The following FAM178B variants were observed in gnomAD, a reference collection of about 807,000 sequenced individuals.
The protein encoded by FAM178B is family with sequence similarity 178 member B.
A neutral mutation model predicts 91.7 loss-of-function variants in FAM178B; 82 were observed. That is an observed-to-expected ratio of 0.89 (90% CI 0.75 to 1.07). FAM178B has a LOEUF of 1.07. Ranked by LOEUF, FAM178B falls within the 50% of genes least tolerant of loss-of-function variation. The probability of loss-of-function intolerance (pLI) is 0.00; values close to 1 mark genes in which losing one functional copy is unlikely to be tolerated. For missense variants in FAM178B, 769 were observed against 846.7 expected (o/e 0.91, Z 1.14); for synonymous variants, 368 against 359.4 (o/e 1.02, Z -0.27).
chr2:96,882,437 G>A (rs987668781), intron 14 of FAM178B, among the ~76,000 whole-genome samples: 1 of 152,224 alleles, frequency 6.6e-6, no homozygotes, highest in Non-Finnish European at 1.5e-5. Context: ...AGGGGTGGGC[G>A]AGTGAGGGGG....
rs185058595 is a variant in FAM178B at position 96,984,182 on chromosome 2, G to A, written c.73+2059C>T. Among the ~76,000 whole-genome samples the A allele has an allele frequency of 1.6e-3, 243 of 152,138 alleles. 1 individual carries two copies. Among genetic ancestry groups the A allele is most frequent in the African/African-American group, 5.4e-3 (223 of 41,490 alleles). On this transcript the variant is annotated intron_variant, in intron 1 of 16. Coordinates refer to ENST00000490605, the MANE Select transcript of FAM178B (RefSeq NM_001122646.3). ...TCACCATGTTGGCCAGGCTGGTCTC[G>A]ATCTCCTGACCTTGTGATCTGCCGC...
intron 6 of FAM178B, among the ~76,000 whole-genome samples, chr2:96,958,697 TAAAAAAAAAAAAAAAAAA>T (rs55924441): frequency 4.5e-4 from 25 of 55,532 alleles, no homozygotes; most frequent in Admixed American, 3.6e-3. Flanking sequence ...CTCAAAATAC[TAAAAAAAAAAAAAAAAAA>T]AAAAAAAAAA....
At chr2:96,929,402 G>T in intron 8 of FAM178B, 82 bp from the exon 9 acceptor site, 1 of 1,011,146 alleles carries the variant, frequency 9.9e-7, no homozygotes, top group Non-Finnish European at 1.5e-6. Context: ...GGCTGGCCGT[G>T]ACCCCTGGCC....
intron 6 of FAM178B, among the ~76,000 whole-genome samples, chr2:96,953,293 C>G (rs1004081075): frequency 6.6e-6 from 1 of 152,194 alleles, no homozygotes; most frequent in Admixed American, 6.5e-5. Context: ...GCAGCCCGAA[C>G]GCAGACAATA....
chr2:96,927,577 C>T lies in FAM178B; in HGVS notation c.1193+1629G>A, dbSNP rs76213674. On this transcript the variant is annotated intron_variant, in intron 9 of 16. Coordinates refer to ENST00000490605, the MANE Select transcript of FAM178B (RefSeq NM_001122646.3). ...CTGCGCCTGGGAAAGCTGAAGTCTG[C>T]GTGCCGGGGTTTGTGTCCCAAAGTA... 3.5e-4 allele frequency among the ~76,000 whole-genome samples: 53 copies of T among 152,292 alleles called. No individual in the cohort carries two copies. The East Asian group carries it at 6.6e-3, about 19-fold the overall frequency.
chr2:96,930,736 G>A (rs1333437208), intron 8 of FAM178B, among the ~76,000 whole-genome samples: 2 of 152,252 alleles, frequency 1.3e-5, no homozygotes, highest in African/African-American at 4.8e-5. Context: ...AAGCTCATAT[G>A]TTGAAATTTA....
intron 12 of FAM178B, among the ~76,000 whole-genome samples, chr2:96,912,439 A>T (rs2081174094): frequency 6.6e-6 from 1 of 151,454 alleles, no homozygotes; most frequent in South Asian, 2.1e-4. Context: ...GCCCACCAAG[A>T]CTCGAGGGCT....
At chr2:96,975,248 T>A (rs2082274981) in intron 1 of FAM178B, among the ~76,000 whole-genome samples, 1 of 152,180 alleles carries the variant, frequency 6.6e-6, no homozygotes, top group Non-Finnish European at 1.5e-5. Context: ...TGTATAGTTA[T>A]GCACTATGTA....
chr2:96,957,194 C>T (rs1417518094), intron 6 of FAM178B, among the ~76,000 whole-genome samples: 3 of 152,158 alleles, frequency 2.0e-5, no homozygotes, highest in Non-Finnish European at 4.4e-5. Context: ...GCCTCCATGG[C>T]CATGTTTCTG....
intron 6 of FAM178B, among the ~76,000 whole-genome samples, chr2:96,955,443 G>A (rs904056045): frequency 1.3e-5 from 2 of 150,560 alleles, no homozygotes; most frequent in Non-Finnish European, 3.0e-5. Context: ...CCCAGGAGGC[G>A]GAGCTTGCAG....
chr2:96,930,491 T>C (rs1373558693), intron 8 of FAM178B, among the ~76,000 whole-genome samples: 5 of 152,202 alleles, frequency 3.3e-5, no homozygotes, highest in African/African-American at 1.2e-4. Flanking sequence ...TTCCTCAGCA[T>C]TGTCCGACTT....
chr2:96,907,004 C>T (rs2081069743), intron 12 of FAM178B, among the ~76,000 whole-genome samples: 1 of 152,194 alleles, frequency 6.6e-6, no homozygotes, highest in African/African-American at 2.4e-5. Context: ...GCCGGCAAAG[C>T]AGTGCCAGGG....
chr2:96,972,879 G>A (rs918347303), intron 1 of FAM178B, among the ~76,000 whole-genome samples: 5 of 151,764 alleles, frequency 3.3e-5, no homozygotes, highest in Admixed American at 6.6e-5. Context: ...GTGCAGCGGC[G>A]TGATCTTGGC....
At chr2:96,978,959 A>G (rs1207134065) in intron 1 of FAM178B, among the ~76,000 whole-genome samples, 1 of 132,658 alleles carries the variant, frequency 7.5e-6, no homozygotes, top group Non-Finnish European at 1.6e-5. Flanking sequence ...ATAGTATTCT[A>G]TGGTGTATGT....
intron 14 of FAM178B, among the ~76,000 whole-genome samples, chr2:96,890,147 C>T (rs575183600): frequency 4.6e-5 from 7 of 152,036 alleles, no homozygotes; most frequent in Admixed American, 6.6e-5. Flanking sequence ...TGGTGGCACG[C>T]GCCTGTAATC....
At chr2:96,970,027 C>A (rs1018787361) in intron 4 of FAM178B, among the ~76,000 whole-genome samples, 1 of 152,228 alleles carries the variant, frequency 6.6e-6, no homozygotes, top group African/African-American at 2.4e-5. Context: ...CACAACACAA[C>A]AACGGGAGAG....
intron 8 of FAM178B, among the ~76,000 whole-genome samples, chr2:96,936,498 GT>G (rs772029073): frequency 3.5e-4 from 47 of 135,990 alleles, no homozygotes; most frequent in Non-Finnish European, 4.3e-4. Flanking sequence ...CCACGCCCGG[GT>G]TTTTTTTTTT....
At chr2:96,905,816 GTGTATATATATATATATATATATATATA>G (rs2081021867) in intron 12 of FAM178B, among the ~76,000 whole-genome samples, 28 of 36,746 alleles carry the variant, frequency 7.6e-4, no homozygotes, top group South Asian at 4.5e-3. Flanking sequence ...ACATATATGT[GTGTATATATATATATATATATATATATA>G]TATATATATA....
chr2:96,919,646 G>C (rs1005870751), intron 12 of FAM178B, among the ~76,000 whole-genome samples: 4 of 152,086 alleles, frequency 2.6e-5, no homozygotes, highest in Non-Finnish European at 5.9e-5. Context: ...GGGGAGAACA[G>C]GGAATCAGGA....
Sources: gnomAD v4.1 joint callset for allele counts (sites outside exome capture counted in the v4.1 genomes callset) on GRCh38, gnomAD v4.1.1 for gene constraint, MANE v1.5 for transcripts, NCBI Gene and HGNC (gene_info 2026-07-23, HGNC 2026-07-21) for gene names.